Variants in RBMS3 observed in about 807,000 individuals in gnomAD.
RBMS3 encodes RNA-binding motif, single-stranded-interacting protein 3.
In RBMS3, 27 loss-of-function variants were observed where a neutral mutation model predicts 66.8. The observed-to-expected ratio is 0.40, with a 90% confidence interval of 0.30 to 0.56. The LOEUF (loss-of-function observed/expected upper bound fraction) is 0.56. RBMS3 is among the 20% of genes least tolerant of loss of function. The probability of loss-of-function intolerance (pLI) is 0.40; values close to 1 mark genes in which losing one functional copy is unlikely to be tolerated. For missense variants in RBMS3, 513 were observed against 549.5 expected, an observed-to-expected ratio of 0.93 and a Z score of 0.66; for synonymous variants, 188 against 183.0, an observed-to-expected ratio of 1.03 and a Z score of -0.22.
intron 2 of RBMS3, among the ~76,000 whole-genome samples, chr3:29,456,853 G>A (rs773751671): frequency 6.6e-6 from 1 of 152,172 alleles, no homozygotes; most frequent in Non-Finnish European, 1.5e-5. Context: ...GAAAGGCATA[G>A]CATAGGAATT....
intron 10 of RBMS3, among the ~76,000 whole-genome samples, chr3:29,927,514 C>T (rs1315686736): frequency 6.6e-6 from 1 of 152,122 alleles, no homozygotes; most frequent in Non-Finnish European, 1.5e-5. Flanking sequence ...AAAGTGTGTG[C>T]AAAATGTTAT....
intron 5 of RBMS3, among the ~76,000 whole-genome samples, chr3:29,756,579 C>T (rs553293453): frequency 6.6e-6 from 1 of 151,992 alleles, no homozygotes; most frequent in African/African-American, 2.4e-5. Flanking sequence ...AAAAACCCAC[C>T]CCCATGATTC....
intron 5 of RBMS3, among the ~76,000 whole-genome samples, chr3:29,746,755 A>G (rs2054914259): frequency 6.6e-6 from 1 of 152,182 alleles, no homozygotes; most frequent in African/African-American, 2.4e-5. Flanking sequence ...ATTGCATCAA[A>G]TAACTTGTTA....
chr3:29,308,408 C>CA (rs954441670), intron 1 of RBMS3, among the ~76,000 whole-genome samples: 11 of 151,650 alleles, frequency 7.3e-5, no homozygotes, highest in Non-Finnish European at 1.3e-4. Flanking sequence ...GAGTATATCA[C>CA]AGTGTTTGGT....
intron 1 of RBMS3, among the ~76,000 whole-genome samples, chr3:29,402,745 T>G (rs901199726): frequency 3.9e-5 from 6 of 151,956 alleles, no homozygotes; most frequent in Admixed American, 3.3e-4. Flanking sequence ...AAATTTTATG[T>G]TTTTCAAGGG....
At chr3:29,666,205 A>G (rs1559550228) in intron 4 of RBMS3, among the ~76,000 whole-genome samples, 1 of 152,204 alleles carries the variant, frequency 6.6e-6, no homozygotes, top group Non-Finnish European at 1.5e-5. Context: ...ATCCTATGGA[A>G]AAATATGTCT....
intron 8 of RBMS3, among the ~76,000 whole-genome samples, chr3:29,893,616 CA>C (rs759563308): frequency 6.6e-6 from 1 of 151,478 alleles, no homozygotes; most frequent in Non-Finnish European, 1.5e-5. Flanking sequence ...CACTGCCTTA[CA>C]AATAAGATCT....
At position 29,298,243 on chromosome 3, in the gene RBMS3, A is replaced by G. The variant is rs1351560151; in HGVS notation, c.75+16487A>G. Among the ~76,000 whole-genome samples the G allele has an allele frequency of 2.0e-5, 3 of 151,986 alleles. No individual in the cohort carries two copies. In the East Asian group the frequency reaches 5.9e-4, roughly 30 times the overall value. Reference sequence around the variant, plus strand: ...TCCTGTACTCGAATAATACTCACTGAGCAATATATTTTGGGCACTTAACCA... The same window carrying G: ...TCCTGTACTCGAATAATACTCACTGGGCAATATATTTTGGGCACTTAACCA... On this transcript the variant is annotated intron_variant, in intron 1 of 14. Coordinates refer to ENST00000383767, the MANE Select transcript of RBMS3 (RefSeq NM_001003793.3).
chr3:29,681,818 C>T (rs1321265576), intron 4 of RBMS3, among the ~76,000 whole-genome samples: 1 of 152,068 alleles, frequency 6.6e-6, no homozygotes, highest in Non-Finnish European at 1.5e-5. Flanking sequence ...TGAACACATG[C>T]ATGCATGTAT....
At chr3:29,817,397 T>C (rs2149469104) in intron 6 of RBMS3, among the ~76,000 whole-genome samples, 1 of 151,792 alleles carries the variant, frequency 6.6e-6, no homozygotes, top group Middle Eastern at 3.4e-3. Flanking sequence ...TAGAGACAGG[T>C]TTTTACCATG....
At chr3:29,470,203 G>A (rs141495115) in intron 2 of RBMS3, among the ~76,000 whole-genome samples, 20 of 151,708 alleles carry the variant, frequency 1.3e-4, no homozygotes, top group South Asian at 4.2e-4. Context: ...GTAATGATGC[G>A]GAAAATGCAT....
At chr3:29,862,245 G>C (rs577038618) in intron 6 of RBMS3, among the ~76,000 whole-genome samples, 2 of 152,108 alleles carry the variant, frequency 1.3e-5, no homozygotes, top group Admixed American at 1.3e-4. Flanking sequence ...GTCTGGAAAC[G>C]GGCCCAAGAG....
At chr3:29,774,375 G>A (rs764164112) in intron 6 of RBMS3, among the ~76,000 whole-genome samples, 2 of 151,920 alleles carry the variant, frequency 1.3e-5, no homozygotes, top group Admixed American at 6.6e-5. Context: ...AGCAATCACC[G>A]GCCGATTATC....
chr3:29,988,606 T>A (rs1698598324), intron 13 of RBMS3, among the ~76,000 whole-genome samples: 1 of 152,138 alleles, frequency 6.6e-6, no homozygotes, highest in African/African-American at 2.4e-5. Context: ...CCAGCATCAT[T>A]GGTATCCCTT....
intron 7 of RBMS3, among the ~76,000 whole-genome samples, chr3:29,874,175 C>A (rs1267767165): frequency 6.6e-6 from 1 of 152,080 alleles, no homozygotes; most frequent in Admixed American, 6.6e-5. Context: ...AGTCTGGGAA[C>A]ACAACATTTC....
Position 30,006,533 on chromosome 3 carries a change from G to A in RBMS3, c.*2671G>A, listed in dbSNP as rs1699806891. 1 of 151,848 alleles carries A rather than the reference G, an allele frequency of 6.6e-6. No individual in the cohort carries two copies. Among genetic ancestry groups the A allele is most frequent in the Non-Finnish European group, 1.5e-5 (1 of 67,836 alleles). 9.4% of individuals were successfully genotyped at this position (151,848 alleles called of 1,614,324 possible). A position where few individuals can be genotyped will look rare whatever the true frequency, so the allele number is the denominator to read the frequency against. ...TTTGTTCCATCCTTCAGCTTCCCAT[G>A]CATTATAAAGGTGGCACTTAAGTTT... On this transcript the variant is annotated 3_prime_UTR_variant, in exon 15 of 15. Transcript: ENST00000383767.
At chr3:29,543,360 A>G (rs1383870576) in intron 3 of RBMS3, among the ~76,000 whole-genome samples, 2 of 138,400 alleles carry the variant, frequency 1.4e-5, no homozygotes, top group Non-Finnish European at 3.3e-5. Context: ...AATGTTCTGA[A>G]AAAAATCAAA....
chr3:29,643,945 A>C (rs1221972132), intron 4 of RBMS3, among the ~76,000 whole-genome samples: 1 of 152,182 alleles, frequency 6.6e-6, no homozygotes, highest in Admixed American at 6.6e-5. Flanking sequence ...GGATAATTTC[A>C]TATTAGTCCT....
chr3:29,914,812 C>A (rs2060598840), intron 10 of RBMS3, among the ~76,000 whole-genome samples: 1 of 151,896 alleles, frequency 6.6e-6, no homozygotes, highest in Admixed American at 6.6e-5. Context: ...GTAAAGGTTT[C>A]AGAAATTGTC....
Sources: gnomAD v4.1 joint callset for allele counts (sites outside exome capture counted in the v4.1 genomes callset) on GRCh38, gnomAD v4.1.1 for gene constraint, MANE v1.5 for transcripts, NCBI Gene and HGNC (gene_info 2026-07-23, HGNC 2026-07-21) for gene names.